LRP5: variants seen among roughly 807,000 people sequenced by gnomAD.
LRP5 encodes the protein LDL receptor related protein 5.
LRP5 carries 62 observed loss-of-function variants against 154.1 expected under a neutral mutation model. The ratio of observed to expected loss-of-function variants is 0.40; its 90% CI spans 0.33 to 0.50. The LOEUF is 0.50. LRP5 is among the 20% of genes least tolerant of loss of function. The pLI is 0.55. For synonymous variants in LRP5, 966 were observed against 1,011.5 expected (o/e 0.96, Z 0.85); for missense variants, 1,915 against 2,336.7 (o/e 0.82, Z 3.72).
At chr11:68,429,804 A>T in intron 17 of LRP5, 104 bp downstream of exon 17, 1 of 1,474,340 alleles carries the variant, frequency 6.8e-7, no homozygotes, top group Non-Finnish European at 9.4e-7. Context: ...TCCCTGTGGC[A>T]TCCAGTTTCC....
At position 68,312,824 on chromosome 11, in the gene LRP5, GC is replaced by G; in HGVS notation, c.91+21del. The G allele has an allele frequency of 9.7e-7, 1 of 1,028,588 alleles. No individual in the cohort carries two copies. The highest frequency in any genetic ancestry group is 1.2e-6 in the Non-Finnish European group (1 of 860,340). The allele number at this position is 1,028,588 out of a possible 1,614,324, so 63.7% of individuals were successfully genotyped here. A position where few individuals can be genotyped will look rare whatever the true frequency, so the allele number is the denominator to read the frequency against. On this transcript the variant is annotated intron_variant, in intron 1 of 22. Transcript: ENST00000294304. ...GCCGCGGGTAGGTGGGCGCAGGCCG[GC>G]CGGGGGCCGCGGGTTGCTCGGACAA...
intron 8 of LRP5, chr11:68,404,133 A>G (rs535706932): frequency 9.2e-6 from 4 of 434,248 alleles, no homozygotes; most frequent in African/African-American, 6.0e-5. Context: ...TGGCCCACGC[A>G]TGTGCACCTT....
At chr11:68,324,209 AG>A (rs543404632) in intron 1 of LRP5, among the ~76,000 whole-genome samples, 175 of 152,396 alleles carry the variant, frequency 1.1e-3, no homozygotes, top group African/African-American at 3.8e-3. Context: ...CCTGTGGAGC[AG>A]GTGACTACCT....
chr11:68,405,460 AC>A (rs1469839033), intron 8 of LRP5, among the ~76,000 whole-genome samples: 3 of 127,846 alleles, frequency 2.3e-5, no homozygotes, highest in Non-Finnish European at 4.8e-5. Flanking sequence ...ACAGACAGAG[AC>A]CCTGTCTCAA....
chr11:68,397,727 G>T (rs146328202), intron 7 of LRP5, among the ~76,000 whole-genome samples: 1 of 152,356 alleles, frequency 6.6e-6, no homozygotes, highest in East Asian at 1.9e-4. Context: ...ACCCTCTGAG[G>T]TCCAGCCTGA....
chr11:68,403,151 A>G (rs1318352390), intron 7 of LRP5, among the ~76,000 whole-genome samples: 2 of 152,190 alleles, frequency 1.3e-5, no homozygotes, highest in Non-Finnish European at 2.9e-5. Flanking sequence ...AGGCTGAGGC[A>G]GGAGAATCGC....
At chr11:68,422,565 G>A (rs946632117) in intron 13 of LRP5, among the ~76,000 whole-genome samples, 18 of 152,174 alleles carry the variant, frequency 1.2e-4, no homozygotes, top group African/African-American at 3.9e-4. Context: ...GGCCCCAAAA[G>A]CCCAGGCTCA....
chr11:68,313,498 T>A (rs1163893518), intron 1 of LRP5, among the ~76,000 whole-genome samples: 1 of 152,126 alleles, frequency 6.6e-6, no homozygotes, highest in Non-Finnish European at 1.5e-5. Context: ...GCCTCAGTTG[T>A]ACACTCCCGT....
At chr11:68,307,308 C>T in the LRP5 span, among the ~76,000 whole-genome samples, 1 of 150,222 alleles carries the variant, frequency 6.7e-6, no homozygotes, top group Admixed American at 6.6e-5. Context: ...CACAGCTGTC[C>T]CCCATCTCTA....
At chr11:68,434,837 G>A (rs376861290) in intron 18 of LRP5, among the ~76,000 whole-genome samples, 4 of 152,140 alleles carry the variant, frequency 2.6e-5, no homozygotes, top group East Asian at 1.9e-4. Flanking sequence ...ACTGTCCTAC[G>A]TCCTCATTCA....
At chr11:68,420,837 G>A (rs988765572) in intron 13 of LRP5, among the ~76,000 whole-genome samples, 1 of 152,208 alleles carries the variant, frequency 6.6e-6, no homozygotes, top group Non-Finnish European at 1.5e-5. Flanking sequence ...CGTGGTGAAG[G>A]TTTTGTACTA....
upstream of LRP5, among the ~76,000 whole-genome samples, chr11:68,308,130 C>T (rs1166449087): frequency 6.6e-6 from 1 of 152,252 alleles, no homozygotes; most frequent in Non-Finnish European, 1.5e-5. Flanking sequence ...CCTGCGGCAG[C>T]CTGAGGAATG....
intron 6 of LRP5, 150 bp from the exon 7 acceptor site, chr11:68,389,730 GC>G (rs1645224624): frequency 5.2e-6 from 4 of 765,364 alleles, no homozygotes; most frequent in Non-Finnish European, 9.0e-6. Context: ...ACATTTACGA[GC>G]ACCGACATTT....
intron 5 of LRP5, among the ~76,000 whole-genome samples, chr11:68,371,944 G>A (rs1171072544): frequency 3.9e-5 from 6 of 152,240 alleles, no homozygotes; most frequent in Admixed American, 2.6e-4. Flanking sequence ...GGTCACACAG[G>A]GATCTCCTCC....
chr11:68,315,381 C>T (rs943001250), intron 1 of LRP5, among the ~76,000 whole-genome samples: 2 of 152,228 alleles, frequency 1.3e-5, no homozygotes, highest in African/African-American at 4.8e-5. Flanking sequence ...CTGACAAACT[C>T]ACTCACTCAC....
intron 16 of LRP5, 121 bp downstream of exon 16, chr11:68,426,308 C>A: frequency 2.5e-6 from 2 of 790,340 alleles, no homozygotes; most frequent in Non-Finnish European, 4.0e-6. Context: ...TGCCAGATGC[C>A]AACTGTTGCC....
At chr11:68,404,564 C>T (rs2098654445) in intron 8 of LRP5, 16 of 478,280 alleles carry the variant, frequency 3.3e-5, no homozygotes, top group South Asian at 2.0e-4. Flanking sequence ...GCAGTGTGGG[C>T]GACCCCTGGA....
At chr11:68,395,468 T>G (rs1028828115) in intron 7 of LRP5, among the ~76,000 whole-genome samples, 1 of 152,028 alleles carries the variant, frequency 6.6e-6, no homozygotes, top group Non-Finnish European at 1.5e-5. Flanking sequence ...GAATAGATAC[T>G]GAAGGATGAG....
the LRP5 span, among the ~76,000 whole-genome samples, chr11:68,305,243 C>T: frequency 1.3e-5 from 2 of 151,862 alleles, no homozygotes; most frequent in Non-Finnish European, 2.9e-5. Context: ...AAAGTGTGCA[C>T]ACCTCCCTGC....
Sources: allele counts gnomAD v4.1 joint callset (sites outside exome capture counted in the v4.1 genomes callset), GRCh38; gene constraint gnomAD v4.1.1; transcripts MANE v1.5; gene names NCBI Gene and HGNC (gene_info 2026-07-23, HGNC 2026-07-21).